DTNBP1: variants seen among roughly 807,000 people sequenced by gnomAD.
DTNBP1 encodes the protein dysbindin.
DTNBP1 carries 35 observed loss-of-function variants against 42.8 expected under a neutral mutation model. The observed-to-expected ratio is 0.82, with a 90% CI of 0.63 to 1.09. The LOEUF is 1.09. Ranked by LOEUF, DTNBP1 falls within the 50% of genes least tolerant of loss-of-function variation. The pLI is 0.00. For synonymous variants in DTNBP1, 171 were observed against 162.2 expected (o/e 1.05, Z -0.41); for missense variants, 457 against 424.2 (o/e 1.08, Z -0.68).
chr6:15,644,848 CAACTT>C (rs750073815), intron 3 of DTNBP1, among the ~76,000 whole-genome samples: 1 of 151,920 alleles, frequency 6.6e-6, no homozygotes, highest in Admixed American at 6.6e-5. Flanking sequence ...CTCAAATTAA[CAACTT>C]AACACCACAC....
At position 15,584,705 on chromosome 6, in the gene DTNBP1, CTTT is replaced by C. The variant is rs147548247; in HGVS notation, c.511+8351_511+8353del. ...GATAGATGAGAGACAACATGTATTT[CTTT>C]TTTTTTTTTTTTTTTTTTTTCATTT... On this transcript the variant is annotated intron_variant, in intron 7 of 9. Transcript: ENST00000344537. 8.6e-3 allele frequency among the ~76,000 whole-genome samples: 746 copies of C among 86,398 alleles called. 2 individuals are homozygous for C. The highest frequency in any genetic ancestry group is 0.026 in the African/African-American group (669 of 25,322). The allele number at this position is 86,398 out of a possible 152,430, so 56.7% of individuals were successfully genotyped here.
At chr6:15,619,232 A>G (rs1758901001) in intron 5 of DTNBP1, among the ~76,000 whole-genome samples, 1 of 152,208 alleles carries the variant, frequency 6.6e-6, no homozygotes, top group South Asian at 2.1e-4. Context: ...TTCCCAAAAC[A>G]AAAAAATGAT....
intron 3 of DTNBP1, among the ~76,000 whole-genome samples, chr6:15,648,973 TACTC>T (rs1344710644): frequency 4.6e-5 from 7 of 151,770 alleles, no homozygotes; most frequent in Admixed American, 2.0e-4. Flanking sequence ...AAAATCCTCA[TACTC>T]ATTAGAGTAG....
At chr6:15,598,884 T>C (rs2113647154) in intron 6 of DTNBP1, among the ~76,000 whole-genome samples, 1 of 152,336 alleles carries the variant, frequency 6.6e-6, no homozygotes, top group East Asian at 1.9e-4. Context: ...AATGGCATTA[T>C]ATCCTTATTT....
At chr6:15,624,461 G>A (rs1454600026) in intron 5 of DTNBP1, among the ~76,000 whole-genome samples, 1 of 152,190 alleles carries the variant, frequency 6.6e-6, no homozygotes, top group Non-Finnish European at 1.5e-5. Context: ...TAGGTACCAG[G>A]AGCCATATTA....
At chr6:15,567,011 T>A (rs540151662) in intron 7 of DTNBP1, among the ~76,000 whole-genome samples, 1 of 152,250 alleles carries the variant, frequency 6.6e-6, no homozygotes, top group South Asian at 2.1e-4. Context: ...CCTATTAACA[T>A]AACTAGGTCT....
At chr6:15,603,460 A>C (rs893838339) in intron 6 of DTNBP1, among the ~76,000 whole-genome samples, 2 of 152,178 alleles carry the variant, frequency 1.3e-5, no homozygotes, top group Non-Finnish European at 2.9e-5. Context: ...TACAGTTACA[A>C]TAACAATTTT....
At chr6:15,586,428 A>T (rs1011013144) in intron 7 of DTNBP1, among the ~76,000 whole-genome samples, 6 of 152,024 alleles carry the variant, frequency 3.9e-5, no homozygotes, top group African/African-American at 1.4e-4. Flanking sequence ...TCCCCTCTGA[A>T]TCACAGCTCC....
At chr6:15,576,979 G>A (rs1263175111) in intron 7 of DTNBP1, among the ~76,000 whole-genome samples, 2 of 152,178 alleles carry the variant, frequency 1.3e-5, no homozygotes, top group African/African-American at 4.8e-5. Flanking sequence ...TGTATGTTAG[G>A]TTTACATTTT....
At chr6:15,647,182 G>C (rs1207286779) in intron 3 of DTNBP1, among the ~76,000 whole-genome samples, 1 of 151,874 alleles carries the variant, frequency 6.6e-6, no homozygotes, top group Non-Finnish European at 1.5e-5. Flanking sequence ...TAAAAAGTGA[G>C]CAAAGGATAT....
chr6:15,549,538 C>A (rs1239288584), intron 7 of DTNBP1, among the ~76,000 whole-genome samples: 1 of 148,262 alleles, frequency 6.7e-6, no homozygotes, highest in Non-Finnish European at 1.5e-5. Context: ...ATATCGCAAT[C>A]CAGAAACAGG....
At chr6:15,648,412 A>G (rs1760803498) in intron 3 of DTNBP1, among the ~76,000 whole-genome samples, 1 of 152,086 alleles carries the variant, frequency 6.6e-6, no homozygotes, top group South Asian at 2.1e-4. Flanking sequence ...ATTAGGCAAG[A>G]AAAAAGAAAT....
At chr6:15,605,170 AG>A (rs1353325993) in intron 6 of DTNBP1, among the ~76,000 whole-genome samples, 4 of 152,210 alleles carry the variant, frequency 2.6e-5, no homozygotes, top group African/African-American at 9.6e-5. Context: ...CTTGGAAATA[AG>A]AAATATTTTA....
chr6:15,543,815 G>A (rs570161202), intron 7 of DTNBP1, among the ~76,000 whole-genome samples: 19 of 152,156 alleles, frequency 1.2e-4, no homozygotes, highest in African/African-American at 3.4e-4. Flanking sequence ...CTGCCACTCC[G>A]GCTCATACCC....
At chr6:15,619,493 C>A (rs970944827) in intron 5 of DTNBP1, among the ~76,000 whole-genome samples, 81 of 152,224 alleles carry the variant, frequency 5.3e-4, no homozygotes, top group African/African-American at 1.9e-3. Context: ...AACTGAGGGA[C>A]AGTCTACAAA....
intron 7 of DTNBP1, among the ~76,000 whole-genome samples, chr6:15,554,168 G>T (rs910494683): frequency 6.6e-6 from 1 of 152,158 alleles, no homozygotes; most frequent in African/African-American, 2.4e-5. Context: ...TCAAGTTTCT[G>T]TCGCTTTGGG....
At chr6:15,570,123 G>A (rs1159560429) in intron 7 of DTNBP1, among the ~76,000 whole-genome samples, 2 of 151,808 alleles carry the variant, frequency 1.3e-5, no homozygotes, top group East Asian at 3.9e-4. Flanking sequence ...CTGGCATACA[G>A]TGGACAATCA....
At chr6:15,554,498 AAAG>A (rs1274680502) in intron 7 of DTNBP1, among the ~76,000 whole-genome samples, 1 of 152,184 alleles carries the variant, frequency 6.6e-6, no homozygotes, top group South Asian at 2.1e-4. Flanking sequence ...ATAAATCTGG[AAAG>A]AAGAGCTTTA....
chr6:15,565,590 C>T (rs1265286327), intron 7 of DTNBP1, among the ~76,000 whole-genome samples: 4 of 152,012 alleles, frequency 2.6e-5, no homozygotes, highest in South Asian at 4.1e-4. Flanking sequence ...AAAGACTATA[C>T]GTAACATAGG....
Sources: allele counts gnomAD v4.1 joint callset (sites outside exome capture counted in the v4.1 genomes callset), GRCh38; gene constraint gnomAD v4.1.1; transcripts MANE v1.5; gene names NCBI Gene and HGNC (gene_info 2026-07-23, HGNC 2026-07-21).